AGBL4: variants seen among roughly 807,000 people sequenced by gnomAD.
The protein encoded by AGBL4 is AGBL carboxypeptidase 4, also known as cytosolic carboxypeptidase 6.
A neutral mutation model predicts 66.4 loss-of-function variants in AGBL4; 58 were observed. The observed-to-expected ratio is 0.87, with a 90% CI of 0.71 to 1.09. AGBL4 has a LOEUF of 1.09. Ranked by LOEUF, AGBL4 falls within the 50% of genes least tolerant of loss-of-function variation. The pLI, the probability that AGBL4 is intolerant of heterozygous loss-of-function variation, is 0.00. For missense variants in AGBL4, 579 were observed against 631.0 expected (o/e 0.92, Z 0.88); for synonymous variants, 234 against 222.9 (o/e 1.05, Z -0.44).
intron 4 of AGBL4, among the ~76,000 whole-genome samples, chr1:49,221,859 C>T (rs1472105703): frequency 6.6e-6 from 1 of 152,024 alleles, no homozygotes; most frequent in African/African-American, 2.4e-5. Context: ...GAAGCTAAAA[C>T]ACAGAAAAAG....
Position 49,069,003 on chromosome 1 carries a change from G to C in AGBL4, c.378-23203C>G, listed in dbSNP as rs896302550. 4.6e-5 allele frequency among the ~76,000 whole-genome samples: 7 copies of C among 152,250 alleles called. No individual in the cohort carries two copies. In the East Asian group the frequency reaches 1.3e-3, roughly 29 times the overall value. On this transcript the variant is annotated intron_variant, in intron 4 of 13. Transcript: ENST00000371839. ...CCAGTGATGATGAGCATTTTTTCAT[G>C]TTTCTGTTGGCTGCATAAATGTCTT...
chr1:48,793,353 A>C (rs536363193), intron 6 of AGBL4, among the ~76,000 whole-genome samples: 10 of 152,282 alleles, frequency 6.6e-5, no homozygotes, highest in Admixed American at 2.6e-4. Context: ...TTCACATATT[A>C]AATCTAAAGC....
chr1:48,715,480 G>A (rs917962284), intron 6 of AGBL4, among the ~76,000 whole-genome samples: 5 of 152,126 alleles, frequency 3.3e-5, no homozygotes, highest in African/African-American at 4.8e-5. Flanking sequence ...CTGTGCCCAC[G>A]AGCTCTTGGG....
chr1:49,267,382 G>A (rs1643945755), intron 3 of AGBL4, among the ~76,000 whole-genome samples: 1 of 152,104 alleles, frequency 6.6e-6, no homozygotes, highest in Admixed American at 6.6e-5. Context: ...TCACACTGCT[G>A]ATAAAGACAT....
At chr1:49,925,215 G>A (rs1335675529) in intron 1 of AGBL4, among the ~76,000 whole-genome samples, 1 of 152,146 alleles carries the variant, frequency 6.6e-6, no homozygotes, top group Non-Finnish European at 1.5e-5. Flanking sequence ...AGTGGGATAG[G>A]GCACCTGGCA....
At chr1:49,106,561 G>T (rs1176906342) in intron 4 of AGBL4, among the ~76,000 whole-genome samples, 2 of 152,152 alleles carry the variant, frequency 1.3e-5, no homozygotes, top group Non-Finnish European at 2.9e-5. Flanking sequence ...CCTGCCCTAG[G>T]CATAGTTCAC....
chr1:48,632,484 C>A (rs1645608864), intron 9 of AGBL4, among the ~76,000 whole-genome samples: 1 of 152,186 alleles, frequency 6.6e-6, no homozygotes, highest in Non-Finnish European at 1.5e-5. Flanking sequence ...GTTCCTCCCC[C>A]AGGCTGCCCC....
At chr1:49,851,317 T>G in intron 2 of AGBL4, 79 bp downstream of exon 2, 1 of 1,407,408 alleles carries the variant, frequency 7.1e-7, no homozygotes, top group East Asian at 2.6e-5. Context: ...TTGCACTGAA[T>G]GGTCACATAA....
chr1:49,976,086 C>G (rs1397885526), intron 1 of AGBL4, among the ~76,000 whole-genome samples: 1 of 152,162 alleles, frequency 6.6e-6, no homozygotes. Flanking sequence ...CTAATTTCAC[C>G]AGTTCCTTCT....
chr1:49,924,500 T>G (rs757876734), intron 1 of AGBL4, among the ~76,000 whole-genome samples: 4 of 148,910 alleles, frequency 2.7e-5, no homozygotes, highest in East Asian at 1.9e-4. Flanking sequence ...TATTTGGATT[T>G]ATTTATTTAT....
chr1:49,908,149 A>T (rs1353418865), intron 1 of AGBL4, among the ~76,000 whole-genome samples: 2 of 152,114 alleles, frequency 1.3e-5, no homozygotes, highest in African/African-American at 4.8e-5. Flanking sequence ...TCAAAGCTGG[A>T]GGATTCCTTG....
intron 3 of AGBL4, among the ~76,000 whole-genome samples, chr1:49,472,482 C>T (rs929305338): frequency 6.6e-6 from 1 of 151,826 alleles, no homozygotes; most frequent in African/African-American, 2.4e-5. Context: ...AATTAAGTCT[C>T]AGAAAAGAAT....
chr1:49,434,584 G>A (rs558996179), intron 3 of AGBL4, among the ~76,000 whole-genome samples: 1 of 152,164 alleles, frequency 6.6e-6, no homozygotes, highest in East Asian at 1.9e-4. Flanking sequence ...ATATATCTCA[G>A]AAGGCTGTTT....
chr1:48,759,010 A>G lies in AGBL4; in HGVS notation c.635-95769T>C, dbSNP rs1158564806. On this transcript the variant is annotated intron_variant, in intron 6 of 13. Coordinates refer to ENST00000371839, the MANE Select transcript of AGBL4 (RefSeq NM_032785.4). ...CTCCTTGAGCTTCTTGGCCTGTTGT[A>G]CCAGCTGCCTCCGAGTCCGCTCCAG... 1.9e-6 allele frequency: 3 copies of G among 1,613,858 alleles called. No individual in the cohort carries two copies. In the Middle Eastern group the frequency reaches 4.9e-4, roughly 265 times the overall value.
At chr1:49,151,595 A>G (rs1426514011) in intron 4 of AGBL4, among the ~76,000 whole-genome samples, 1 of 151,764 alleles carries the variant, frequency 6.6e-6, no homozygotes, top group Non-Finnish European at 1.5e-5. Context: ...AAACCTGGTA[A>G]TTCTTTGGGG....
chr1:49,010,968 G>C (rs1372208793), intron 5 of AGBL4, among the ~76,000 whole-genome samples: 1 of 152,186 alleles, frequency 6.6e-6, no homozygotes, highest in Non-Finnish European at 1.5e-5. Flanking sequence ...ACATAGGCAT[G>C]GGCAAGGACT....
intron 3 of AGBL4, among the ~76,000 whole-genome samples, chr1:49,640,095 G>C (rs1287572926): frequency 6.6e-6 from 1 of 152,092 alleles, no homozygotes; most frequent in African/African-American, 2.4e-5. Flanking sequence ...CTGAGGAGCT[G>C]TATCTTCCCA....
At chr1:49,863,462 C>T (rs2148091096) in intron 1 of AGBL4, among the ~76,000 whole-genome samples, 1 of 152,250 alleles carries the variant, frequency 6.6e-6, no homozygotes, top group African/African-American at 2.4e-5. Flanking sequence ...AGATTCTGCA[C>T]AGCAAAGGAT....
At chr1:48,709,481 T>C (rs947325873) in intron 6 of AGBL4, among the ~76,000 whole-genome samples, 58 of 152,152 alleles carry the variant, frequency 3.8e-4, no homozygotes, top group Non-Finnish European at 2.2e-4. Context: ...TATTTCTTTA[T>C]AACTTTGGGC....
Sources: allele counts gnomAD v4.1 joint callset (sites outside exome capture counted in the v4.1 genomes callset), GRCh38; gene constraint gnomAD v4.1.1; transcripts MANE v1.5; gene names NCBI Gene and HGNC (gene_info 2026-07-23, HGNC 2026-07-21).